Variants in IQGAP2 observed in about 807,000 individuals in gnomAD.
IQGAP2 encodes ras GTPase-activating-like protein IQGAP2.
Under a neutral mutation model 201.3 loss-of-function variants are expected in IQGAP2, and 173 were observed. That is an observed-to-expected ratio of 0.86 (90% CI 0.76 to 0.98). The LOEUF is 0.98. Among genes scored for constraint, IQGAP2 ranks in the 50% least tolerant of loss-of-function variants. IQGAP2 has a pLI of 0.00. For synonymous variants in IQGAP2, 675 were observed against 673.9 expected, an observed-to-expected ratio of 1.00 and a Z score of -0.03; for missense variants, 1,687 against 1,864.8, an observed-to-expected ratio of 0.90 and a Z score of 1.76.
At chr5:76,579,582 T>G (rs950571770) in intron 5 of IQGAP2, among the ~76,000 whole-genome samples, 3 of 152,200 alleles carry the variant, frequency 2.0e-5, no homozygotes, top group Non-Finnish European at 4.4e-5. Flanking sequence ...TGACCAGCAT[T>G]GTATAATCCA....
At chr5:76,551,246 C>T (rs1350009184) in intron 2 of IQGAP2, among the ~76,000 whole-genome samples, 1 of 150,478 alleles carries the variant, frequency 6.6e-6, no homozygotes, top group Non-Finnish European at 1.5e-5. Flanking sequence ...ACATCCCTCA[C>T]ATCCCAGACG....
chr5:76,516,915 A>T (rs895640510), intron 2 of IQGAP2, among the ~76,000 whole-genome samples: 6 of 152,236 alleles, frequency 3.9e-5, no homozygotes, highest in Non-Finnish European at 8.8e-5. Context: ...TTAAAAATTG[A>T]TAAAGACACT....
At chr5:76,508,740 T>A (rs1172807650) in intron 2 of IQGAP2, among the ~76,000 whole-genome samples, 3 of 151,592 alleles carry the variant, frequency 2.0e-5, no homozygotes, top group Non-Finnish European at 4.4e-5. Flanking sequence ...GCATACAAAT[T>A]CATAGGAAAA....
chr5:76,496,724 C>CTTTCTTTTCTTTCTTT (rs1561416093), intron 2 of IQGAP2, among the ~76,000 whole-genome samples: 1 of 77,866 alleles, frequency 1.3e-5, no homozygotes, highest in Admixed American at 1.7e-4. Context: ...TTCTTTCTTT[C>CTTTCTTTTCTTTCTTT]TTTTCTTTCT....
chr5:76,657,757 T>G (rs572374766), intron 20 of IQGAP2, among the ~76,000 whole-genome samples: 3 of 152,320 alleles, frequency 2.0e-5, no homozygotes, highest in African/African-American at 4.8e-5. Flanking sequence ...TTCCAGGTAC[T>G]AAGGGGAAAA....
At chr5:76,565,517 C>T (rs1241063821) in intron 3 of IQGAP2, among the ~76,000 whole-genome samples, 7 of 152,212 alleles carry the variant, frequency 4.6e-5, no homozygotes, top group Admixed American at 2.0e-4. Flanking sequence ...TGGCCACCTC[C>T]GCCCTCCACA....
At chr5:76,429,533 T>C (rs1167992562) in intron 1 of IQGAP2, among the ~76,000 whole-genome samples, 8 of 147,554 alleles carry the variant, frequency 5.4e-5, no homozygotes, top group East Asian at 2.0e-4. Context: ...GATCGCACCA[T>C]TGCACTCCAG....
rs1746454345 is a variant in IQGAP2 at position 76,693,450 on chromosome 5, G to A, written c.3993+8G>A. 6.5e-7 allele frequency: 1 copy of A among 1,543,506 alleles called. No homozygotes were observed. Among genetic ancestry groups the A allele is most frequent in the Admixed American group, 1.7e-5 (1 of 59,096 alleles). On this transcript the variant is annotated splice_region_variant and intron_variant, in intron 31 of 35. Coordinates refer to ENST00000274364, the MANE Select transcript of IQGAP2 (RefSeq NM_006633.5). ...CCAGCAACTGCGCAACAGGTAATTT[G>A]ACTTTAAGTGTAAAATAATAATAGA...
chr5:76,670,734 C>A (rs1422698240), intron 23 of IQGAP2, among the ~76,000 whole-genome samples: 1 of 152,196 alleles, frequency 6.6e-6, no homozygotes, highest in Non-Finnish European at 1.5e-5. Context: ...CTCTCTCAGC[C>A]ATCTGACGTG....
intron 2 of IQGAP2, among the ~76,000 whole-genome samples, chr5:76,522,865 C>T (rs1274871041): frequency 7.9e-5 from 12 of 152,054 alleles, no homozygotes; most frequent in South Asian, 4.1e-4. Flanking sequence ...TTTTTGGAAT[C>T]GATCTTTTTA....
At chr5:76,545,043 C>T (rs867933031) in intron 2 of IQGAP2, among the ~76,000 whole-genome samples, 12 of 151,788 alleles carry the variant, frequency 7.9e-5, no homozygotes, top group Non-Finnish European at 1.3e-4. Flanking sequence ...CTATAGTTTT[C>T]TTCTATATAG....
chr5:76,479,675 A>G (rs1690958819), intron 2 of IQGAP2, among the ~76,000 whole-genome samples: 1 of 152,104 alleles, frequency 6.6e-6, no homozygotes, highest in South Asian at 2.1e-4. Context: ...CCTCTGTGCA[A>G]ATGGAGCCCC....
chr5:76,538,408 G>A (rs544259205), intron 2 of IQGAP2, among the ~76,000 whole-genome samples: 44 of 152,318 alleles, frequency 2.9e-4, no homozygotes, highest in African/African-American at 8.9e-4. Flanking sequence ...CTGCTGCCAC[G>A]TACTCTTCCA....
chr5:76,426,510 A>T (rs184071417), intron 1 of IQGAP2, among the ~76,000 whole-genome samples: 1 of 152,336 alleles, frequency 6.6e-6, no homozygotes, highest in Admixed American at 6.5e-5. Flanking sequence ...TTTTCAGGAA[A>T]GTTGAGCTAA....
At chr5:76,662,070 T>C (rs1294140297) in intron 21 of IQGAP2, among the ~76,000 whole-genome samples, 1 of 152,222 alleles carries the variant, frequency 6.6e-6, no homozygotes, top group African/African-American at 2.4e-5. Context: ...CTGTTTGTTA[T>C]CCTTGTCTGG....
intron 2 of IQGAP2, among the ~76,000 whole-genome samples, chr5:76,531,277 G>T (rs1194667665): frequency 6.6e-6 from 1 of 152,104 alleles, no homozygotes; most frequent in African/African-American, 2.4e-5. Flanking sequence ...TAATTTTAAT[G>T]TTTTTAGAGA....
chr5:76,438,602 C>T (rs4469181), intron 1 of IQGAP2, among the ~76,000 whole-genome samples: 14,400 of 151,952 alleles, frequency 0.095, 1,770 homozygotes, highest in African/African-American at 0.29. Context: ...ACCACCATAC[C>T]CGGCTAATTT....
intron 13 of IQGAP2, among the ~76,000 whole-genome samples, chr5:76,611,947 G>A (rs1748447182): frequency 6.6e-6 from 1 of 152,142 alleles, no homozygotes; most frequent in Admixed American, 6.5e-5. Context: ...TGAAAGGGCG[G>A]TCATCTCCTC....
intron 17 of IQGAP2, among the ~76,000 whole-genome samples, chr5:76,649,277 C>A (rs981940121): frequency 4.6e-5 from 7 of 152,166 alleles, no homozygotes; most frequent in African/African-American, 1.7e-4. Context: ...TTCCACCCTC[C>A]TGTAACAAGG....
Sources: gnomAD v4.1 joint callset for allele counts (sites outside exome capture counted in the v4.1 genomes callset) on GRCh38, gnomAD v4.1.1 for gene constraint, MANE v1.5 for transcripts, NCBI Gene and HGNC (gene_info 2026-07-23, HGNC 2026-07-21) for gene names.